The following TRIM71 variants were observed in gnomAD, a reference collection of about 807,000 sequenced individuals.
TRIM71 encodes E3 ubiquitin-protein ligase TRIM71.
TRIM71 carries 9 observed loss-of-function variants against 61.2 expected under a neutral mutation model. The observed-to-expected ratio is 0.15, with a 90% CI of 0.09 to 0.26. The LOEUF is 0.26. Among genes scored for constraint, TRIM71 ranks in the 10% least tolerant of loss-of-function variants. The probability of loss-of-function intolerance (pLI) is 1.00; values close to 1 mark genes in which losing one functional copy is unlikely to be tolerated. For missense variants in TRIM71, 998 were observed against 1,238.7 expected (o/e 0.81, Z 2.92); for synonymous variants, 645 against 553.2 (o/e 1.17, Z -2.33).
rs780815860 is a variant in TRIM71, at chr3:32,818,192, A to G, written c.112A>G (p.Thr38Ala). The G allele has an allele frequency of 3.8e-6, 6 of 1,580,240 alleles. No homozygotes were observed. Among genetic ancestry groups the G allele is most frequent in the African/African-American group, 1.4e-5 (1 of 71,904 alleles). The change falls in exon 1 of 4, where the codon ACG becomes GCG. Residue 38 changes from threonine to alanine, a missense_variant. Transcript: ENST00000383763. ...NSSASSSSSQ[T>A]STSSGGGGGG... ...GTCCGCGTCGTCGTCCTCCTCGCAG[A>G]CGTCCACGTCGTCGGGGGGCGGCGG...
Position 32,863,194 on chromosome 3 carries a change from C to CTTTTT in TRIM71, c.853-10624_853-10623insTTTTT, listed in dbSNP as rs1559545534. ...TTGGGAGGGAGGAGTATTAATTGAA[C>CTTTTT]CTTTTTTTTTTTTTTTTTTTTTTTT... is the stretch of plus-strand genomic sequence containing the variant. On this transcript the variant is annotated intron_variant, in intron 1 of 3. Coordinates refer to ENST00000383763, the MANE Select transcript of TRIM71 (RefSeq NM_001039111.3). 4.7e-4 allele frequency among the ~76,000 whole-genome samples: 55 copies of CTTTTT among 117,698 alleles called. 3 individuals carry two copies. Among genetic ancestry groups the CTTTTT allele is most frequent in the African/African-American group, 1.5e-3 (45 of 30,630 alleles). 77.2% of individuals were successfully genotyped at this position (117,698 alleles called of 152,430 possible).
intron 1 of TRIM71, among the ~76,000 whole-genome samples, chr3:32,861,455 A>G (rs907037021): frequency 6.8e-6 from 1 of 146,402 alleles, no homozygotes; most frequent in Non-Finnish European, 1.5e-5. Flanking sequence ...ATTGTTGGCC[A>G]GGCGCGGTGG....
chr3:32,891,064 C>A lies in TRIM71; in HGVS notation c.1860C>A (p.Ile620=), dbSNP rs1312075098. The A allele has an allele frequency of 3.1e-6, 5 of 1,612,510 alleles. No homozygotes were observed. Among genetic ancestry groups the A allele is most frequent in the South Asian group, 1.1e-5 (1 of 91,064 alleles). ...TGAGTGTAGACAAGGAGGGCTACAT[C>A]ATTGTCGCCGACCGCAGCAACAACC... The part of the protein sequence containing the change: ...WGVSVDKEGY[I]IVADRSNNRI... The change falls in exon 4 of 4, where the codon ATC becomes ATA. Residue 620 remains isoleucine (I), a synonymous_variant. Coordinates refer to ENST00000383763, the MANE Select transcript of TRIM71 (RefSeq NM_001039111.3). This position sits in a 1 kb window ranked among gnomAD's most constrained non-coding sequence, Gnocchi z 8.2.
At chr3:32,821,254 T>C (rs1223172021) in intron 1 of TRIM71, among the ~76,000 whole-genome samples, 1 of 152,212 alleles carries the variant, frequency 6.6e-6, no homozygotes, top group Non-Finnish European at 1.5e-5. Context: ...AATGCCTAAA[T>C]CCACATATTT....
At chr3:32,833,568 A>T (rs1696299171) in intron 1 of TRIM71, among the ~76,000 whole-genome samples, 1 of 152,042 alleles carries the variant, frequency 6.6e-6, no homozygotes, top group African/African-American at 2.4e-5. Flanking sequence ...TCAGTGTGTG[A>T]TGGTTATAAT....
chr3:32,885,942 C>T lies in TRIM71; in HGVS notation c.1029C>T (p.Ile343=), dbSNP rs368762602. ...QQGRQAIQLS[I]EQAQTVAEQV... is the part of the protein sequence containing the mutation. ...TCTTTTTGGTTTTCCAGCTGAGCATCGAGCAGGCCCAGACGGTGGCGGAAC... is the reference window on the plus strand; with the variant it reads ...TCTTTTTGGTTTTCCAGCTGAGCATTGAGCAGGCCCAGACGGTGGCGGAAC... Residue 343 remains isoleucine (I), a synonymous_variant, in exon 3 of 4, where the codon ATC becomes ATT. Transcript: ENST00000383763. The T allele has an allele frequency of 1.1e-4, 174 of 1,611,432 alleles. No homozygotes were observed. The highest frequency in any genetic ancestry group is 1.4e-4 in the Non-Finnish European group (167 of 1,179,284).
chr3:32,858,765 AAAGT>A (rs769633181), intron 1 of TRIM71, among the ~76,000 whole-genome samples: 2 of 152,182 alleles, frequency 1.3e-5, no homozygotes, highest in African/African-American at 2.4e-5. Context: ...AGTGATAGAC[AAAGT>A]AAGGGTGACT....
intron 1 of TRIM71, among the ~76,000 whole-genome samples, chr3:32,863,126 C>T (rs1308502291): frequency 2.0e-5 from 3 of 151,870 alleles, no homozygotes; most frequent in Non-Finnish European, 4.4e-5. Flanking sequence ...GCATCACCCC[C>T]TCAACAACTT....
Position 32,818,560 on chromosome 3 carries a change from G to C in TRIM71, c.480G>C (p.Ala160=). The change falls in exon 1 of 4, where the codon GCG becomes GCC. Residue 160 remains alanine (A), a synonymous_variant. Transcript: ENST00000383763. ...ACGCTCACCACGCGCACCCGCGCGC[G>C]TCCGCCTCCGCGCCGCCACTCCCGC... ...RHHAHHAHPR[A]SASAPPLPQA... is the part of the protein sequence containing the mutation. 1.6e-6 allele frequency: 2 copies of C among 1,261,642 alleles called. No homozygotes were observed. Among genetic ancestry groups the C allele is most frequent in the Non-Finnish European group, 9.9e-7 (1 of 1,011,042 alleles). The allele number at this position is 1,261,642 out of a possible 1,614,324, so 78.2% of individuals were successfully genotyped here. A position where few individuals can be genotyped will look rare whatever the true frequency, so the allele number is the denominator to read the frequency against.
rs1405441255 is a variant in TRIM71 at position 32,895,147 on chromosome 3, C to T, written c.*3336C>T. The stretch of plus-strand genomic sequence containing the variant: ...CATTTCAAAAGTGTTATTTTTGGTC[C>T]CAAGATCTAATGCTGTCTCAGAACA... On this transcript the variant is annotated 3_prime_UTR_variant, in exon 4 of 4. Coordinates refer to ENST00000383763, the MANE Select transcript of TRIM71 (RefSeq NM_001039111.3). The T allele has an allele frequency of 4.6e-5, 7 of 152,128 alleles. No individual in the cohort carries two copies. The highest frequency in any genetic ancestry group is 4.6e-4 in the Admixed American group (7 of 15,274). The allele number at this position is 152,128 out of a possible 1,614,324, so 9.4% of individuals were successfully genotyped here.
intron 1 of TRIM71, 137 bp from the exon 2 acceptor site, chr3:32,873,681 C>A: frequency 1.4e-6 from 1 of 729,476 alleles, no homozygotes; most frequent in Non-Finnish European, 2.1e-6. Flanking sequence ...GCCACTGCTG[C>A]CTCTCCCTTT....
rs1489761947 is a variant in TRIM71, at chr3:32,895,048, A to T, written c.*3237A>T. ...AGATGCCCATTGGGTTTGGATATAT[A>T]GGTTTGAGTATTGAGATGTTTAAAG... On this transcript the variant is annotated 3_prime_UTR_variant, in exon 4 of 4. Transcript: ENST00000383763. 6.6e-6 allele frequency: 1 copy of T among 152,198 alleles called. No homozygotes were observed. Among genetic ancestry groups the T allele is most frequent in the East Asian group, 1.9e-4 (1 of 5,200 alleles). 9.4% of individuals were successfully genotyped at this position (152,198 alleles called of 1,614,324 possible). A position where few individuals can be genotyped will look rare whatever the true frequency, so the allele number is the denominator to read the frequency against.
At chr3:32,865,554 G>A (rs973740869) in intron 1 of TRIM71, among the ~76,000 whole-genome samples, 1 of 152,134 alleles carries the variant, frequency 6.6e-6, no homozygotes, top group African/African-American at 2.4e-5. Context: ...CCAGGGCATT[G>A]TTCTTATCTG....
chr3:32,834,049 C>T (rs1696305288), intron 1 of TRIM71, among the ~76,000 whole-genome samples: 1 of 151,922 alleles, frequency 6.6e-6, no homozygotes. Context: ...TTTTTAAAAC[C>T]ACATAGGTGC....
intron 1 of TRIM71, among the ~76,000 whole-genome samples, chr3:32,841,510 A>G (rs1696405029): frequency 6.6e-6 from 1 of 151,224 alleles, no homozygotes; most frequent in South Asian, 2.1e-4. Flanking sequence ...TGTCTCTACA[A>G]AAAAAATACA....
At chr3:32,823,690 TTGCAGTGAGCCGAGGG>T (rs1474504543) in intron 1 of TRIM71, among the ~76,000 whole-genome samples, 548 of 145,262 alleles carry the variant, frequency 3.8e-3, no homozygotes, top group Middle Eastern at 0.025. Context: ...GAGGCGGAGG[TTGCAGTGAGCCGAGGG>T]TGCAGTGAGC....
intron 1 of TRIM71, among the ~76,000 whole-genome samples, chr3:32,835,677 A>G (rs977078030): frequency 2.6e-5 from 4 of 152,126 alleles, no homozygotes; most frequent in African/African-American, 9.7e-5. Context: ...TCAGCTCATA[A>G]TTGCTGGATG....
intron 1 of TRIM71, among the ~76,000 whole-genome samples, chr3:32,837,103 C>A (rs142758759): frequency 1.2e-5 from 1 of 82,868 alleles, no homozygotes; most frequent in South Asian, 3.0e-4. Flanking sequence ...AAGAAAAAAA[C>A]AACAACTTGC....
chr3:32,894,486 C>T lies in TRIM71; in HGVS notation c.*2675C>T, dbSNP rs1406487997. On this transcript the variant is annotated 3_prime_UTR_variant, in exon 4 of 4. Coordinates refer to ENST00000383763, the MANE Select transcript of TRIM71 (RefSeq NM_001039111.3). ...GCAGGCTTAGAGCAACTAGAACTAT[C>T]CCCTGAAATAGGTGTGTAGGTCAGA... The T allele has an allele frequency of 6.6e-6, 1 of 152,198 alleles. No individual in the cohort carries two copies. Among genetic ancestry groups the T allele is most frequent in the Admixed American group, 6.5e-5 (1 of 15,280 alleles). The allele number at this position is 152,198 out of a possible 1,614,324, so 9.4% of individuals were successfully genotyped here. A position where few individuals can be genotyped will look rare whatever the true frequency, so the allele number is the denominator to read the frequency against.
Sources: allele counts gnomAD v4.1 joint callset (sites outside exome capture counted in the v4.1 genomes callset), GRCh38; gene constraint gnomAD v4.1.1; non-coding constraint Gnocchi (gnomAD v3.1); transcripts MANE v1.5; gene names NCBI Gene and HGNC (gene_info 2026-07-23, HGNC 2026-07-21).